The following SLC35F3 variants were observed in gnomAD, a reference collection of about 807,000 sequenced individuals.
SLC35F3 encodes the protein putative thiamine transporter SLC35F3.
In SLC35F3, 25 loss-of-function variants were observed where a neutral mutation model predicts 49.9. The ratio of observed to expected loss-of-function variants is 0.50; its 90% CI spans 0.37 to 0.70. The LOEUF (loss-of-function observed/expected upper bound fraction) is 0.70, where lower values mean the gene tolerates loss of function less well. SLC35F3 is among the 30% of genes least tolerant of loss of function. SLC35F3 has a pLI of 0.00. For synonymous variants in SLC35F3, 275 were observed against 265.4 expected (o/e 1.04, Z -0.35); for missense variants, 525 against 639.8 (o/e 0.82, Z 1.94).
intron 2 of SLC35F3, among the ~76,000 whole-genome samples, chr1:234,014,266 A>C (rs912813904): frequency 1.3e-5 from 2 of 152,336 alleles, no homozygotes; most frequent in African/African-American, 4.8e-5. Flanking sequence ...GATGCAGAGA[A>C]AGCATTTGAC....
At chr1:234,080,048 T>C (rs1664850777) in intron 2 of SLC35F3, among the ~76,000 whole-genome samples, 1 of 152,196 alleles carries the variant, frequency 6.6e-6, no homozygotes, top group African/African-American at 2.4e-5. Context: ...GAGGGCTGGT[T>C]GCTGGAGGTG....
chr1:234,080,287 C>T (rs1461008329), intron 2 of SLC35F3, among the ~76,000 whole-genome samples: 2 of 152,150 alleles, frequency 1.3e-5, no homozygotes, highest in African/African-American at 4.8e-5. Context: ...ATGGAAGCTC[C>T]ATGCCCTTTT....
At chr1:234,111,275 AG>A (rs1665401705) in intron 2 of SLC35F3, among the ~76,000 whole-genome samples, 2 of 151,774 alleles carry the variant, frequency 1.3e-5, no homozygotes, top group African/African-American at 2.4e-5. Flanking sequence ...GCTGGTGAAA[AG>A]GCCCCTGTAT....
Position 234,320,030 on chromosome 1 carries a change from A to G in SLC35F3, c.1148-68A>G. The G allele has an allele frequency of 9.1e-7, 1 of 1,103,780 alleles. No homozygotes were observed. Among genetic ancestry groups the G allele is most frequent in the African/African-American group, 1.5e-5 (1 of 65,062 alleles). 68.4% of individuals were successfully genotyped at this position (1,103,780 alleles called of 1,614,324 possible). ...CTCATCAGGAAAACCTGGGTCAGATAGGCCAGCAGGGAGGTAAAGTACACA... is the reference window on the plus strand; with the variant it reads ...CTCATCAGGAAAACCTGGGTCAGATGGGCCAGCAGGGAGGTAAAGTACACA... On this transcript the variant is annotated intron_variant, in intron 6 of 7. Coordinates refer to ENST00000366618, the MANE Select transcript of SLC35F3 (RefSeq NM_173508.4). This position sits in a 1 kb window ranked among gnomAD's most constrained non-coding sequence, Gnocchi z 4.8.
chr1:234,271,308 C>A (rs1668100635), intron 3 of SLC35F3, among the ~76,000 whole-genome samples: 1 of 152,140 alleles, frequency 6.6e-6, no homozygotes, highest in Non-Finnish European at 1.5e-5. Context: ...AAAAAACACA[C>A]TTATTTTGAA....
intron 2 of SLC35F3, among the ~76,000 whole-genome samples, chr1:233,934,031 G>A (rs976453126): frequency 2.0e-5 from 3 of 152,222 alleles, no homozygotes; most frequent in Admixed American, 6.5e-5. Flanking sequence ...AGTTTAGCGG[G>A]AAGTGCTTTA....
chr1:233,941,056 G>A (rs185029373), intron 2 of SLC35F3, among the ~76,000 whole-genome samples: 118 of 152,166 alleles, frequency 7.8e-4, no homozygotes, highest in South Asian at 2.1e-3. Flanking sequence ...CTGCTGCATC[G>A]TGCTTGCATT....
In SLC35F3 at chr1:234,214,552, C is replaced by G. The variant is rs1230951038; in HGVS notation, c.284-16865C>G. ...CGCTCAGCGCCTGCAACAGTCCGGTCCTGACCCTTACCAAAGTGGAAGGTA... is the reference window on the plus strand; with the variant it reads ...CGCTCAGCGCCTGCAACAGTCCGGTGCTGACCCTTACCAAAGTGGAAGGTA... On this transcript the variant is annotated intron_variant, in intron 2 of 7. Coordinates refer to ENST00000366618, the MANE Select transcript of SLC35F3 (RefSeq NM_173508.4). This position sits in a 1 kb window ranked among gnomAD's most constrained non-coding sequence, Gnocchi z 8.0. 4 of 1,559,328 alleles carry G rather than the reference C, an allele frequency of 2.6e-6. No homozygotes were observed. The African/African-American group carries it at 5.6e-5, about 22-fold the overall frequency.
chr1:234,234,806 G>A (rs528863735), intron 3 of SLC35F3, among the ~76,000 whole-genome samples: 2 of 152,174 alleles, frequency 1.3e-5, no homozygotes, highest in Non-Finnish European at 2.9e-5. Context: ...TAAATGGGAG[G>A]TGATGATATA....
chr1:234,323,543 C>G lies in SLC35F3; in HGVS notation c.*300C>G. The G allele has an allele frequency of 2.4e-6, 1 of 418,356 alleles. No individual in the cohort carries two copies. The highest frequency in any genetic ancestry group is 4.3e-6 in the Non-Finnish European group (1 of 231,156). 25.9% of individuals were successfully genotyped at this position (418,356 alleles called of 1,614,324 possible). ...TGGCTGACGTTCTTGACAAGCCAGC[C>G]ATCAGGGCAAGTGTTTTGAATCTTA... On this transcript the variant is annotated 3_prime_UTR_variant, in exon 8 of 8. Transcript: ENST00000366618. The surrounding 1 kb of genome is among the most constrained non-coding windows in gnomAD (Gnocchi z 4.5).
In SLC35F3 at chr1:233,905,054, G is replaced by T. The variant is rs377324776; in HGVS notation, c.-24G>T. 23 of 1,553,478 alleles carry T rather than the reference G, an allele frequency of 1.5e-5. No homozygotes were observed. The highest frequency in any genetic ancestry group is 2.0e-5 in the Non-Finnish European group (23 of 1,147,940). On this transcript the variant is annotated 5_prime_UTR_variant, in exon 1 of 8. Transcript: ENST00000366618. The stretch of plus-strand genomic sequence containing the variant: ...CCCCTCCGCCTCAAGTCTGGGAGCT[G>T]CCGGTCCCACTCTGTCTTTGCCTAT...
At chr1:234,149,857 A>C (rs547918960) in intron 2 of SLC35F3, among the ~76,000 whole-genome samples, 23 of 152,306 alleles carry the variant, frequency 1.5e-4, no homozygotes, top group Middle Eastern at 3.4e-3. Flanking sequence ...GCCATTCAAA[A>C]TGTATTTAAC....
chr1:233,987,993 G>T (rs1663293410), intron 2 of SLC35F3, among the ~76,000 whole-genome samples: 1 of 152,080 alleles, frequency 6.6e-6, no homozygotes. Flanking sequence ...GTGGTCTTCT[G>T]CCTTCTTCAT....
At chr1:234,182,799 T>A (rs1309489158) in intron 2 of SLC35F3, among the ~76,000 whole-genome samples, 2 of 152,210 alleles carry the variant, frequency 1.3e-5, no homozygotes, top group South Asian at 2.1e-4. Flanking sequence ...AGTTTTAAAT[T>A]TCATTTTTCT....
At chr1:234,311,161 T>G (rs1017173886) in intron 4 of SLC35F3, among the ~76,000 whole-genome samples, 1 of 152,242 alleles carries the variant, frequency 6.6e-6, no homozygotes, top group Admixed American at 6.5e-5. Context: ...CTCTCCGAAG[T>G]GCATGACCAG....
intron 2 of SLC35F3, among the ~76,000 whole-genome samples, chr1:234,181,265 G>A (rs1275834904): frequency 6.7e-6 from 1 of 149,094 alleles, no homozygotes; most frequent in Non-Finnish European, 1.5e-5. Flanking sequence ...GAATCCAGGA[G>A]GTGGAGGTTG....
At chr1:234,288,357 A>G (rs1418239382) in intron 3 of SLC35F3, among the ~76,000 whole-genome samples, 2 of 152,346 alleles carry the variant, frequency 1.3e-5, no homozygotes, top group African/African-American at 4.8e-5. Context: ...TATAAAATCT[A>G]TATAAATCAT....
At chr1:234,239,978 C>G (rs1002750311) in intron 3 of SLC35F3, among the ~76,000 whole-genome samples, 1 of 136,652 alleles carries the variant, frequency 7.3e-6, no homozygotes, top group Non-Finnish European at 1.6e-5. Flanking sequence ...TTGAAATGAA[C>G]AAAATTAAAC....
Position 234,231,584 on chromosome 1 carries a change from G to T in SLC35F3, c.451G>T (p.Gly151Cys). Residue 151 changes from glycine (G) to cysteine (C), a missense_variant, in exon 3 of 8, where the codon GGC becomes TGC. Physicochemically the swap from Gly to Cys is radical, Grantham distance 159. Transcript: ENST00000366618. The surrounding 1 kb of genome is among the most constrained non-coding windows in gnomAD (Gnocchi z 5.4). ...GCTGTGCGTGTGCTCCTCGTGGGCGGGCTCCACGCAGCTCGCCAAGCTGAC... is the reference window on the plus strand; with the variant it reads ...GCTGTGCGTGTGCTCCTCGTGGGCGTGCTCCACGCAGCTCGCCAAGCTGAC... The part of the protein sequence containing the change: ...VVLCVCSSWA[G>C]STQLAKLTFR... 2 of 1,614,170 alleles carry T rather than the reference G, an allele frequency of 1.2e-6. No homozygotes were observed. The highest frequency in any genetic ancestry group is 2.2e-5 in the South Asian group (2 of 91,086).
Sources: allele counts gnomAD v4.1 joint callset (sites outside exome capture counted in the v4.1 genomes callset), GRCh38; gene constraint gnomAD v4.1.1; non-coding constraint Gnocchi (gnomAD v3.1); transcripts MANE v1.5; gene names NCBI Gene and HGNC (gene_info 2026-07-23, HGNC 2026-07-21).